The following SCMH1 variants were observed in gnomAD, a reference collection of about 807,000 sequenced individuals.
SCMH1 encodes the protein Scm polycomb group protein homolog 1, also known as polycomb protein SCMH1.
Under a neutral mutation model 70.8 loss-of-function variants are expected in SCMH1, and 37 were observed. The observed-to-expected ratio is 0.52, with a 90% CI of 0.40 to 0.69. SCMH1 has a LOEUF of 0.69. SCMH1 is among the 30% of genes least tolerant of loss of function. SCMH1 has a pLI of 0.00. For missense variants in SCMH1, 607 were observed against 827.3 expected (o/e 0.73, Z 3.27); for synonymous variants, 292 against 307.4 (o/e 0.95, Z 0.52).
chr1:41,032,096 A>T (rs924696534), intron 13 of SCMH1, among the ~76,000 whole-genome samples: 5 of 152,216 alleles, frequency 3.3e-5, no homozygotes, highest in African/African-American at 1.2e-4. Context: ...TCCTCATCAG[A>T]CACCAAATCT....
At chr1:41,191,010 G>C (rs1651583187) in intron 1 of SCMH1, among the ~76,000 whole-genome samples, 1 of 152,198 alleles carries the variant, frequency 6.6e-6, no homozygotes, top group Non-Finnish European at 1.5e-5. Context: ...GAGTGGCTAG[G>C]ATTACTGGTG....
Position 41,033,982 on chromosome 1 carries a change from C to A in SCMH1, c.1678+3380G>T, listed in dbSNP as rs778366072. The stretch of plus-strand genomic sequence containing the variant: ...AAAAATAACAGTAACTCCCCTCATA[C>A]CTGGGGAACGATTTAGTTTCCAAAA... On this transcript the variant is annotated intron_variant, in intron 13 of 14. Transcript: ENST00000337495. 3 of 1,613,948 alleles carry A rather than the reference C, an allele frequency of 1.9e-6. No homozygotes were observed. In the African/African-American group the frequency reaches 4.0e-5, roughly 22 times the overall value.
At chr1:41,038,291 C>G (rs1384997093) in intron 12 of SCMH1, among the ~76,000 whole-genome samples, 1 of 152,170 alleles carries the variant, frequency 6.6e-6, no homozygotes, top group East Asian at 1.9e-4. Context: ...GGCCCAACAC[C>G]AGGCGGCAGC....
chr1:41,045,205 C>G (rs1205061716), intron 12 of SCMH1, among the ~76,000 whole-genome samples: 1 of 152,138 alleles, frequency 6.6e-6, no homozygotes, highest in Non-Finnish European at 1.5e-5. Flanking sequence ...TTTCTTTTCT[C>G]AGAGACTCTG....
At chr1:41,155,507 A>AAAACAAACAAACAAAC (rs547168813) in intron 4 of SCMH1, among the ~76,000 whole-genome samples, 84 of 152,084 alleles carry the variant, frequency 5.5e-4, no homozygotes, top group African/African-American at 1.9e-3. Flanking sequence ...ACATGGAGCA[A>AAAACAAACAAACAAAC]AAACAAACAA....
intron 1 of SCMH1, among the ~76,000 whole-genome samples, chr1:41,221,604 G>A (rs1287903142): frequency 6.7e-6 from 1 of 150,202 alleles, no homozygotes; most frequent in Non-Finnish European, 1.5e-5. Context: ...AAAAAGGCTA[G>A]GGCCCAGGCG....
intron 1 of SCMH1, among the ~76,000 whole-genome samples, chr1:41,209,191 C>G (rs1160363669): frequency 6.6e-6 from 1 of 152,078 alleles, no homozygotes; most frequent in East Asian, 1.9e-4. Flanking sequence ...CTGAATAGAC[C>G]AATAACAGGA....
chr1:41,229,123 G>T (rs886921903), intron 1 of SCMH1, among the ~76,000 whole-genome samples: 1 of 152,092 alleles, frequency 6.6e-6, no homozygotes, highest in Admixed American at 6.5e-5. Flanking sequence ...TTAAACCCAG[G>T]GGGTGGAGGT....
intron 6 of SCMH1, among the ~76,000 whole-genome samples, chr1:41,118,972 C>A (rs1246789437): frequency 6.6e-6 from 1 of 152,200 alleles, no homozygotes; most frequent in East Asian, 1.9e-4. Context: ...ACTATCTAAT[C>A]CTCAAGACAG....
chr1:41,116,912 G>C lies in SCMH1; in HGVS notation c.501+10C>G. On this transcript the variant is annotated intron_variant, in intron 7 of 14. Coordinates refer to ENST00000337495, the Ensembl canonical transcript of SCMH1. ...AGCCTGGAGCTGGTGATATCTGAGG[G>C]ATAGCCTACCTTGTGGAAAATCCTG... 6.3e-7 allele frequency: 1 copy of C among 1,591,386 alleles called. No homozygotes were observed. The highest frequency in any genetic ancestry group is 8.6e-7 in the Non-Finnish European group (1 of 1,167,612).
chr1:41,074,595 C>G (rs577376052), intron 9 of SCMH1, among the ~76,000 whole-genome samples: 2 of 152,136 alleles, frequency 1.3e-5, no homozygotes, highest in South Asian at 4.2e-4. Context: ...TTTCTGTCTA[C>G]ACGCTGGACA....
chr1:41,194,646 A>C (rs916002495), intron 1 of SCMH1, among the ~76,000 whole-genome samples: 3 of 152,220 alleles, frequency 2.0e-5, no homozygotes, highest in African/African-American at 7.2e-5. Context: ...ATTACACAAT[A>C]ATAGGTAAAC....
At chr1:41,169,200 T>C (rs111480072) in intron 2 of SCMH1, among the ~76,000 whole-genome samples, 12 of 152,260 alleles carry the variant, frequency 7.9e-5, no homozygotes, top group Admixed American at 2.0e-4. Flanking sequence ...GTTATAGAAG[T>C]TGTGGCACTT....
chr1:41,153,331 T>A (rs894322669), intron 4 of SCMH1, among the ~76,000 whole-genome samples: 23 of 152,204 alleles, frequency 1.5e-4, no homozygotes, highest in Middle Eastern at 3.2e-3. Context: ...CTAAATTTTT[T>A]AAATTTTAAT....
At chr1:41,231,174 G>A (rs2148901732) in intron 1 of SCMH1, among the ~76,000 whole-genome samples, 1 of 152,288 alleles carries the variant, frequency 6.6e-6, no homozygotes, top group African/African-American at 2.4e-5. Context: ...GACTTGGCAT[G>A]TTTTTGACAC....
At chr1:41,184,397 T>C (rs1298586260) in intron 2 of SCMH1, among the ~76,000 whole-genome samples, 1 of 152,020 alleles carries the variant, frequency 6.6e-6, no homozygotes, top group Non-Finnish European at 1.5e-5. Context: ...ACAAAGGGAG[T>C]AAATCTGACA....
intron 10 of SCMH1, among the ~76,000 whole-genome samples, chr1:41,064,559 A>G (rs1320917782): frequency 1.3e-5 from 2 of 152,222 alleles, no homozygotes; most frequent in Non-Finnish European, 2.9e-5. Flanking sequence ...TACAAAGCTA[A>G]TATACAAAAA....
chr1:41,204,772 T>C (rs558301501), intron 1 of SCMH1, among the ~76,000 whole-genome samples: 3 of 152,210 alleles, frequency 2.0e-5, no homozygotes, highest in Non-Finnish European at 2.9e-5. Context: ...TCCATATCTA[T>C]TTATTTGTCT....
chr1:41,191,759 A>G (rs545877153), intron 1 of SCMH1, among the ~76,000 whole-genome samples: 1 of 152,300 alleles, frequency 6.6e-6, no homozygotes, highest in African/African-American at 2.4e-5. Flanking sequence ...TTTTAAAAAA[A>G]TTGTCCAAAG....
Sources: gnomAD v4.1 joint callset for allele counts (sites outside exome capture counted in the v4.1 genomes callset) on GRCh38, gnomAD v4.1.1 for gene constraint, MANE v1.5 for transcripts, NCBI Gene and HGNC (gene_info 2026-07-23, HGNC 2026-07-21) for gene names.